Variants in G3BP2 observed in about 807,000 individuals in gnomAD.
G3BP2 encodes ras GTPase-activating protein-binding protein 2.
In G3BP2, 11 loss-of-function variants were observed where a neutral mutation model predicts 56.7. That is an observed-to-expected ratio of 0.19 (90% CI 0.12 to 0.32). The LOEUF (loss-of-function observed/expected upper bound fraction) is 0.32, where lower values mean the gene tolerates loss of function less well. G3BP2 is among the 10% of genes least tolerant of loss of function. The pLI is 1.00. For synonymous variants in G3BP2, 165 were observed against 191.6 expected, an observed-to-expected ratio of 0.86 and a Z score of 1.15; for missense variants, 340 against 610.9, an observed-to-expected ratio of 0.56 and a Z score of 4.67.
intron 3 of G3BP2, among the ~76,000 whole-genome samples, chr4:75,699,729 TAG>T (rs1221224876): frequency 1.3e-5 from 2 of 152,228 alleles, no homozygotes; most frequent in Non-Finnish European, 2.9e-5. Context: ...TTTTCTCTTA[TAG>T]TTGTTGTTTT....
At chr4:75,700,178 C>G (rs1719282514) in intron 3 of G3BP2, among the ~76,000 whole-genome samples, 1 of 151,730 alleles carries the variant, frequency 6.6e-6, no homozygotes, top group African/African-American at 2.4e-5. Context: ...CTCAGACTCC[C>G]AAGTAGCTGG....
Position 75,645,354 on chromosome 4 carries a change from G to C in G3BP2, c.*76C>G, listed in dbSNP as rs1288178634. ...CAAAAAGGCTGTGTCACATTCCAAAGCCAAAAAAAAAATTAACAAGAATGC... is the reference window on the plus strand; with the variant it reads ...CAAAAAGGCTGTGTCACATTCCAAACCCAAAAAAAAAATTAACAAGAATGC... On this transcript the variant is annotated 3_prime_UTR_variant, in exon 12 of 12. Coordinates refer to ENST00000359707, the MANE Select transcript of G3BP2 (RefSeq NM_203505.3). 2.1e-6 allele frequency: 3 copies of C among 1,401,710 alleles called. No homozygotes were observed. Among genetic ancestry groups the C allele is most frequent in the African/African-American group, 2.9e-5 (2 of 69,226 alleles). 86.8% of individuals were successfully genotyped at this position (1,401,710 alleles called of 1,614,324 possible). A position where few individuals can be genotyped will look rare whatever the true frequency, so the allele number is the denominator to read the frequency against.
upstream of G3BP2, chr4:75,674,035 GATACTAAAGCATTTTAC>G (rs1335012840): frequency 2.0e-5 from 3 of 152,314 alleles, no homozygotes; most frequent in Non-Finnish European, 4.4e-5. Flanking sequence ...AATATCAGTA[GATACTAAAGCATTTTAC>G]ATACTAAAGC....
At chr4:75,689,870 G>A (rs1718777874) in intron 3 of G3BP2, among the ~76,000 whole-genome samples, 1 of 152,144 alleles carries the variant, frequency 6.6e-6, no homozygotes, top group South Asian at 2.1e-4. Context: ...TATTTTACAA[G>A]TATATGGGTA....
chr4:75,703,770 C>G (rs973688560), intron 3 of G3BP2, among the ~76,000 whole-genome samples: 9 of 152,166 alleles, frequency 5.9e-5, no homozygotes, highest in African/African-American at 1.9e-4. Context: ...GAAAATGATC[C>G]TGAGCTTACC....
chr4:75,719,759 C>G (rs968026624), intron 3 of G3BP2, among the ~76,000 whole-genome samples: 13 of 151,820 alleles, frequency 8.6e-5, no homozygotes, highest in African/African-American at 3.1e-4. Flanking sequence ...TCGGCTAATT[C>G]TGTATTTTTA....
intron 3 of G3BP2, among the ~76,000 whole-genome samples, chr4:75,688,203 T>C (rs1382620828): frequency 2.0e-5 from 3 of 152,134 alleles, no homozygotes; most frequent in Non-Finnish European, 4.4e-5. Context: ...AGAGTTTATT[T>C]TTAAATATTT....
chr4:75,681,711 T>C (rs1734079472), intron 3 of G3BP2, among the ~76,000 whole-genome samples: 1 of 150,972 alleles, frequency 6.6e-6, no homozygotes, highest in Non-Finnish European at 1.5e-5. Context: ...TAGCCGGGCG[T>C]GGTGGTGTGT....
intron 3 of G3BP2, among the ~76,000 whole-genome samples, chr4:75,710,519 A>C (rs1227287469): frequency 6.6e-6 from 1 of 152,240 alleles, no homozygotes; most frequent in South Asian, 2.1e-4. Flanking sequence ...TTCTCCCACA[A>C]GAATACAAGC....
In G3BP2 at chr4:75,655,293, A is replaced by G. The variant is rs746834619; in HGVS notation, c.546-47T>C. 15 of 1,373,134 alleles carry G rather than the reference A, an allele frequency of 1.1e-5. No homozygotes were observed. The African/African-American group carries it at 1.9e-4, about 17-fold the overall frequency. The allele number at this position is 1,373,134 out of a possible 1,614,324, so 85.1% of individuals were successfully genotyped here. Reference sequence around the variant, plus strand: ...ACTTTTTAGTAGGAGTTCAAGTAAGAAAAAATTCAATTTCTCTCTAATCCA... The same window carrying G: ...ACTTTTTAGTAGGAGTTCAAGTAAGGAAAAATTCAATTTCTCTCTAATCCA... On this transcript the variant is annotated intron_variant, in intron 6 of 11. Coordinates refer to ENST00000359707, the MANE Select transcript of G3BP2 (RefSeq NM_203505.3).
At chr4:75,705,092 G>A (rs1389669971) in intron 3 of G3BP2, among the ~76,000 whole-genome samples, 1 of 151,918 alleles carries the variant, frequency 6.6e-6, no homozygotes, top group Non-Finnish European at 1.5e-5. Flanking sequence ...TTTTATGTGT[G>A]ACCCAGGGAA....
At chr4:75,679,176 CT>C (rs1010011503) in intron 3 of G3BP2, among the ~76,000 whole-genome samples, 2 of 152,168 alleles carry the variant, frequency 1.3e-5, no homozygotes, top group African/African-American at 2.4e-5. Context: ...AAATGATGAA[CT>C]TTTATAGACT....
upstream of G3BP2, chr4:75,673,538 C>T (rs1306982938): frequency 1.1e-5 from 14 of 1,232,100 alleles, no homozygotes; most frequent in African/African-American, 1.6e-5. Flanking sequence ...TCCCGTGTCC[C>T]TCTGCGGAGC....
rs372270287 is a variant in G3BP2, at chr4:75,657,523, T to C, written c.351+34A>G. ...GGACACTTCAACCAACTAGCAACCA[T>C]ATAAATGAAAACTAAGTGAATTGAG... On this transcript the variant is annotated intron_variant, in intron 4 of 11. Coordinates refer to ENST00000359707, the MANE Select transcript of G3BP2 (RefSeq NM_203505.3). 15 of 1,522,204 alleles carry C rather than the reference T, an allele frequency of 9.9e-6. No individual in the cohort carries two copies. The African/African-American group carries it at 1.5e-4, about 15-fold the overall frequency. The allele number at this position is 1,522,204 out of a possible 1,614,324, so 94.3% of individuals were successfully genotyped here.
chr4:75,678,757 T>TTTTA (rs1733970278), intron 3 of G3BP2, among the ~76,000 whole-genome samples: 1 of 152,234 alleles, frequency 6.6e-6, no homozygotes, highest in South Asian at 2.1e-4. Context: ...GATGTTTCAC[T>TTTTA]TTTATGTGCC....
chr4:75,718,936 A>C (rs10014281), intron 3 of G3BP2, among the ~76,000 whole-genome samples: 135,959 of 152,216 alleles, frequency 0.89, 60,773 homozygotes, highest in African/African-American at 0.93. Context: ...AAACCCAGAT[A>C]ACAGGGAAAT....
At chr4:75,655,599 T>C (rs1732034828) in intron 6 of G3BP2, among the ~76,000 whole-genome samples, 169 bp downstream of exon 6, 1 of 152,262 alleles carries the variant, frequency 6.6e-6, no homozygotes, top group Admixed American at 6.5e-5. Context: ...ATTTTTGTAT[T>C]AAATAAAACC....
chr4:75,690,878 A>C (rs1718827375), intron 3 of G3BP2, among the ~76,000 whole-genome samples: 1 of 151,770 alleles, frequency 6.6e-6, no homozygotes, highest in Admixed American at 6.6e-5. Context: ...AAAATGTTCT[A>C]AAATTGAATG....
At chr4:75,705,276 G>C (rs1719503405) in intron 3 of G3BP2, among the ~76,000 whole-genome samples, 1 of 152,178 alleles carries the variant, frequency 6.6e-6, no homozygotes, top group South Asian at 2.1e-4. Context: ...AAAACAGAAT[G>C]CCCACAAAAG....
Sources: allele counts gnomAD v4.1 joint callset (sites outside exome capture counted in the v4.1 genomes callset), GRCh38; gene constraint gnomAD v4.1.1; transcripts MANE v1.5; gene names NCBI Gene and HGNC (gene_info 2026-07-23, HGNC 2026-07-21).